Variants in KDM4C observed in about 807,000 individuals in gnomAD.
The protein encoded by KDM4C is lysine demethylase 4C.
KDM4C carries 81 observed loss-of-function variants against 129.3 expected under a neutral mutation model. The ratio of observed to expected loss-of-function variants is 0.63; its 90% confidence interval spans 0.52 to 0.75. KDM4C has a LOEUF of 0.75. Among genes scored for constraint, KDM4C ranks in the 30% least tolerant of loss-of-function variants. The pLI, the probability that KDM4C is intolerant of heterozygous loss-of-function variation, is 0.00. For missense variants in KDM4C, 1,457 were observed against 1,304.0 expected, an observed-to-expected ratio of 1.12 and a Z score of -1.81; for synonymous variants, 573 against 456.1, an observed-to-expected ratio of 1.26 and a Z score of -3.26.
At chr9:6,740,287 T>C (rs1476506323) in intron 1 of KDM4C, among the ~76,000 whole-genome samples, 1 of 151,890 alleles carries the variant, frequency 6.6e-6, no homozygotes, top group South Asian at 2.1e-4. Context: ...CACTGCAAGC[T>C]CCGCCTCCCG....
At chr9:7,155,591 A>C (rs1303890455) in intron 19 of KDM4C, among the ~76,000 whole-genome samples, 1 of 151,966 alleles carries the variant, frequency 6.6e-6, no homozygotes, top group East Asian at 1.9e-4. Context: ...CCCACCTATG[A>C]GTGAGAACAT....
intron 4 of KDM4C, among the ~76,000 whole-genome samples, chr9:6,833,550 C>A (rs1835302233): frequency 6.6e-6 from 1 of 152,186 alleles, no homozygotes; most frequent in African/African-American, 2.4e-5. Context: ...TGATTATGAA[C>A]TGTGAGGTCT....
intron 1 of KDM4C, among the ~76,000 whole-genome samples, chr9:6,763,479 T>C (rs1029292867): frequency 1.3e-5 from 2 of 152,302 alleles, no homozygotes; most frequent in Middle Eastern, 3.4e-3. Context: ...CCATTACTTG[T>C]GTATCTCTCT....
rs34608321 is a variant in KDM4C at position 6,839,028 on chromosome 9, G to T, written c.436-10479G>T. ...ATTTTATGTTATTTTTTCTCCATGCGTGTTACCTTTGAAACTTCAAGGGCT... is the reference window on the plus strand; with the variant it reads ...ATTTTATGTTATTTTTTCTCCATGCTTGTTACCTTTGAAACTTCAAGGGCT... On this transcript the variant is annotated intron_variant, in intron 4 of 21. Coordinates refer to ENST00000381309, the MANE Select transcript of KDM4C (RefSeq NM_015061.6). Among the ~76,000 whole-genome samples, 4 of 152,212 alleles carry T rather than the reference G, an allele frequency of 2.6e-5. No homozygotes were observed. The South Asian group carries it at 6.2e-4, about 24-fold the overall frequency.
chr9:7,046,841 G>A (rs1237761200), intron 15 of KDM4C, 21 bp from the exon 16 acceptor site: 1 of 1,572,080 alleles, frequency 6.4e-7, no homozygotes, highest in Non-Finnish European at 8.8e-7. Flanking sequence ...GTCATCATGT[G>A]GTATTTTCTT....
At chr9:6,903,385 A>G (rs1431751324) in intron 8 of KDM4C, among the ~76,000 whole-genome samples, 4 of 152,222 alleles carry the variant, frequency 2.6e-5, no homozygotes, top group African/African-American at 9.6e-5. Context: ...TAGTAAAGAT[A>G]ATAAGAAAAT....
chr9:7,010,343 A>T (rs562703998), intron 12 of KDM4C, among the ~76,000 whole-genome samples: 5 of 151,680 alleles, frequency 3.3e-5, no homozygotes, highest in African/African-American at 1.2e-4. Flanking sequence ...GATTATTATG[A>T]TAATAATGCC....
chr9:6,915,636 G>T lies in KDM4C; in HGVS notation c.921+22404G>T, dbSNP rs1820168388. On this transcript the variant is annotated intron_variant, in intron 8 of 21. Coordinates refer to ENST00000381309, the MANE Select transcript of KDM4C (RefSeq NM_015061.6). The stretch of plus-strand genomic sequence containing the variant: ...GAAATAATCCACTTGACTGTCTCAA[G>T]AATAAAGAGACTGCTTTTGTTTTTC... Among the ~76,000 whole-genome samples, 5 of 152,272 alleles carry T rather than the reference G, an allele frequency of 3.3e-5. No individual in the cohort carries two copies. The South Asian group carries it at 1.0e-3, about 32-fold the overall frequency.
At chr9:7,074,686 A>G (rs898406913) in intron 17 of KDM4C, among the ~76,000 whole-genome samples, 5 of 152,136 alleles carry the variant, frequency 3.3e-5, no homozygotes, top group Non-Finnish European at 5.9e-5. Context: ...ATTTACCTAT[A>G]TACTATTTGC....
chr9:6,875,462 G>A (rs1804192040), intron 5 of KDM4C, among the ~76,000 whole-genome samples: 1 of 152,138 alleles, frequency 6.6e-6, no homozygotes, highest in Non-Finnish European at 1.5e-5. Flanking sequence ...TTTAGGACAG[G>A]AAGACTAATT....
At chr9:6,959,170 A>C (rs1437402204) in intron 8 of KDM4C, among the ~76,000 whole-genome samples, 1 of 152,164 alleles carries the variant, frequency 6.6e-6, no homozygotes, top group Non-Finnish European at 1.5e-5. Flanking sequence ...CTTTTAAAAG[A>C]AGTAGGTGAG....
chr9:7,079,519 G>A (rs1367133550), intron 17 of KDM4C, among the ~76,000 whole-genome samples: 24 of 152,074 alleles, frequency 1.6e-4, no homozygotes, highest in African/African-American at 5.6e-4. Flanking sequence ...ACAGTGTTTC[G>A]CCATGTTGGC....
intron 15 of KDM4C, among the ~76,000 whole-genome samples, chr9:7,022,009 T>C (rs1180526274): frequency 2.0e-5 from 3 of 152,198 alleles, no homozygotes; most frequent in African/African-American, 7.2e-5. Context: ...CTTCCACTGA[T>C]CTAAGTGTCT....
intron 19 of KDM4C, among the ~76,000 whole-genome samples, chr9:7,155,069 C>T (rs1401128617): frequency 2.6e-5 from 4 of 152,200 alleles, no homozygotes; most frequent in African/African-American, 9.7e-5. Flanking sequence ...ACATCCTTTT[C>T]TATAATTGAC....
intron 5 of KDM4C, among the ~76,000 whole-genome samples, chr9:6,851,098 C>T (rs1009239886): frequency 1.3e-5 from 2 of 152,184 alleles, no homozygotes; most frequent in African/African-American, 4.8e-5. Context: ...ATACAGGCTC[C>T]AGTGACAAGA....
At chr9:7,138,893 A>G (rs557001374) in intron 19 of KDM4C, among the ~76,000 whole-genome samples, 318 of 152,314 alleles carry the variant, frequency 2.1e-3, no homozygotes, top group Middle Eastern at 6.8e-3. Flanking sequence ...AGGGGTAGTT[A>G]AATTATGCAT....
chr9:6,842,656 G>A (rs527436561), intron 4 of KDM4C, among the ~76,000 whole-genome samples: 1 of 151,938 alleles, frequency 6.6e-6, no homozygotes, highest in Non-Finnish European at 1.5e-5. Context: ...GTTTTTAAAA[G>A]TTGGTTAATG....
intron 8 of KDM4C, among the ~76,000 whole-genome samples, chr9:6,959,395 C>G (rs1313639836): frequency 6.6e-6 from 1 of 152,178 alleles, no homozygotes; most frequent in African/African-American, 2.4e-5. Context: ...CTGTCAGAGG[C>G]TCTTGGAGAA....
chr9:6,892,062 A>G (rs1025598157), intron 7 of KDM4C, among the ~76,000 whole-genome samples: 3 of 152,212 alleles, frequency 2.0e-5, no homozygotes, highest in African/African-American at 7.2e-5. Flanking sequence ...CAGGCTCTGA[A>G]TGTGAACATA....
Sources: gnomAD v4.1 joint callset for allele counts (sites outside exome capture counted in the v4.1 genomes callset) on GRCh38, gnomAD v4.1.1 for gene constraint, MANE v1.5 for transcripts, NCBI Gene and HGNC (gene_info 2026-07-23, HGNC 2026-07-21) for gene names.